The following TGM3 variants were observed in gnomAD, a reference collection of about 807,000 sequenced individuals.
TGM3 encodes the protein transglutaminase 3.
A neutral mutation model predicts 73.8 loss-of-function variants in TGM3; 52 were observed. That is an observed-to-expected ratio of 0.70 (90% CI 0.56 to 0.89). The LOEUF is 0.89. TGM3 is among the 40% of genes least tolerant of loss of function. The probability of loss-of-function intolerance (pLI) is 0.00; values close to 1 mark genes in which losing one functional copy is unlikely to be tolerated. For missense variants in TGM3, 928 were observed against 909.9 expected (o/e 1.02, Z -0.26); for synonymous variants, 372 against 354.9 (o/e 1.05, Z -0.54).
In TGM3 at chr20:2,312,731, G is replaced by A. The variant is rs1026370315; in HGVS notation, c.541-167G>A. 6.6e-5 allele frequency among the ~76,000 whole-genome samples: 10 copies of A among 152,108 alleles called. No individual in the cohort carries two copies. In the East Asian group the frequency reaches 7.7e-4, roughly 12 times the overall value. On this transcript the variant is annotated intron_variant, in intron 4 of 12. Transcript: ENST00000381458. ...TAGTGAGTGCTCTGGATGAGTTTGCGGGGTTGAGGGCTGGGCATGGTGGCT... is the reference window on the plus strand; with the variant it reads ...TAGTGAGTGCTCTGGATGAGTTTGCAGGGTTGAGGGCTGGGCATGGTGGCT...
At chr20:2,310,681 T>C (rs2084199036) in intron 3 of TGM3, among the ~76,000 whole-genome samples, 2 of 152,214 alleles carry the variant, frequency 1.3e-5, no homozygotes. Context: ...GAGATCACAT[T>C]GAGCTTTTAC....
intron 7 of TGM3, among the ~76,000 whole-genome samples, chr20:2,323,730 G>A (rs1853092): frequency 0.64 from 97,906 of 152,138 alleles, 32,247 homozygotes; most frequent in East Asian, 0.82. Flanking sequence ...GAGTATCACC[G>A]TATGCTTTAA....
intron 5 of TGM3, among the ~76,000 whole-genome samples, 197 bp downstream of exon 5, chr20:2,313,223 T>G (rs1415272750): frequency 6.6e-6 from 1 of 152,206 alleles, no homozygotes; most frequent in East Asian, 1.9e-4. Flanking sequence ...AGGCACACAG[T>G]GAGTATGTGG....
intron 1 of TGM3, among the ~76,000 whole-genome samples, chr20:2,306,902 A>G (rs934426585): frequency 6.6e-6 from 1 of 152,116 alleles, no homozygotes; most frequent in Admixed American, 6.6e-5. Flanking sequence ...CCCTAGAGAG[A>G]TCTGGCATCT....
chr20:2,327,939 G>C (rs960473371), intron 8 of TGM3, among the ~76,000 whole-genome samples, 181 bp from the exon 9 acceptor site: 1 of 152,186 alleles, frequency 6.6e-6, no homozygotes, highest in African/African-American at 2.4e-5. Flanking sequence ...ACCAGCAAGA[G>C]AATCATAGCC....
chr20:2,323,832 C>T (rs554075360), intron 7 of TGM3, among the ~76,000 whole-genome samples: 14 of 152,314 alleles, frequency 9.2e-5, no homozygotes, highest in African/African-American at 3.1e-4. Flanking sequence ...GAGGTTAAAA[C>T]TATTTTCATA....
chr20:2,310,042 G>A (rs2084194885), intron 2 of TGM3, 136 bp from the exon 3 acceptor site: 1 of 1,431,374 alleles, frequency 7.0e-7, no homozygotes, highest in South Asian at 1.3e-5. Flanking sequence ...CTGTATGTTT[G>A]TTCCAGTTAC....
Position 2,340,671 on chromosome 20 carries a change from C to A in TGM3, c.*90C>A. 1 of 1,535,856 alleles carries A rather than the reference C, an allele frequency of 6.5e-7. No homozygotes were observed. Among genetic ancestry groups the A allele is most frequent in the Non-Finnish European group, 8.9e-7 (1 of 1,123,888 alleles). On this transcript the variant is annotated 3_prime_UTR_variant, in exon 13 of 13. Coordinates refer to ENST00000381458, the MANE Select transcript of TGM3 (RefSeq NM_003245.4). ...GAACCCCCCGCCCATGCTGTCCGGCCTGGGAAACCCTCTCCATCTCCCAAG... is the reference window on the plus strand; with the variant it reads ...GAACCCCCCGCCCATGCTGTCCGGCATGGGAAACCCTCTCCATCTCCCAAG...
chr20:2,301,315 C>T (rs1387356522), intron 1 of TGM3, among the ~76,000 whole-genome samples: 3 of 150,520 alleles, frequency 2.0e-5, no homozygotes, highest in Non-Finnish European at 4.4e-5. Flanking sequence ...CACAGCCTGT[C>T]GGTGACCAGG....
rs560846380 is a variant in TGM3, at chr20:2,340,343, C to T, written c.1935-91C>T. The T allele has an allele frequency of 7.1e-6, 11 of 1,549,558 alleles. No homozygotes were observed. In the South Asian group the frequency reaches 1.3e-4, roughly 19 times the overall value. ...AAGAAGCAGTGGCCTTGCCCAGCCT[C>T]CATCAGAACAGGACAGGAGGTCACA... On this transcript the variant is annotated intron_variant, in intron 12 of 12. Transcript: ENST00000381458.
rs185773702 is a variant in TGM3, at chr20:2,301,850, G to T, written c.7+5780G>T. On this transcript the variant is annotated intron_variant, in intron 1 of 12. Coordinates refer to ENST00000381458, the MANE Select transcript of TGM3 (RefSeq NM_003245.4). Reference sequence around the variant, plus strand: ...CAAGTAGCTGGAACTACAGGCATGTGTCACCACGTCCGGCTAATTTTTGTA... The same window carrying T: ...CAAGTAGCTGGAACTACAGGCATGTTTCACCACGTCCGGCTAATTTTTGTA... Among the ~76,000 whole-genome samples, 8 of 152,234 alleles carry T rather than the reference G, an allele frequency of 5.3e-5. No homozygotes were observed. In the East Asian group the frequency reaches 1.2e-3, roughly 22 times the overall value.
At chr20:2,301,885 G>A (rs2084150226) in intron 1 of TGM3, among the ~76,000 whole-genome samples, 1 of 152,166 alleles carries the variant, frequency 6.6e-6, no homozygotes, top group African/African-American at 2.4e-5. Flanking sequence ...ATTTTTAGTA[G>A]AGACAGGGTT....
chr20:2,335,212 A>G lies in TGM3; in HGVS notation c.1739A>G (p.Asp580Gly). 1 of 1,614,208 alleles carries G rather than the reference A, an allele frequency of 6.2e-7. No individual in the cohort carries two copies. Residue 580 changes from aspartate (D) to glycine (G), a missense_variant, in exon 11 of 13, where the codon GAT becomes GGT. Coordinates refer to ENST00000381458, the MANE Select transcript of TGM3 (RefSeq NM_003245.4). ...IRITAVCKVP[D>G]ESEVVVERDI... ...ATCACAGCGGTGTGCAAGGTCCCAG[A>G]TGAGTCTGAGGTGGTGGTGGAGCGG...
Position 2,340,537 on chromosome 20 carries a change from T to C in TGM3, c.2038T>C (p.Phe680Leu), listed in dbSNP as rs145595091. ...GCTCGCCGACTTCTCCTGCAACAAG[T>C]TCCCTGCAATCAAGGCCATGTTGTC... ...QLLADFSCNK[F>L]PAIKAMLSID... Residue 680 changes from phenylalanine to leucine, a missense_variant, in exon 13 of 13, where the codon TTC becomes CTC. Phe to Leu is a conservative substitution (Grantham distance 22). Transcript: ENST00000381458. 6.5e-4 allele frequency: 1,052 copies of C among 1,614,150 alleles called. 9 individuals carry two copies. Among genetic ancestry groups the C allele is most frequent in the Non-Finnish European group, 6.7e-5 (79 of 1,180,016 alleles).
Position 2,339,836 on chromosome 20 carries a change from A to G in TGM3, c.1801-18A>G. 6.2e-7 allele frequency: 1 copy of G among 1,613,782 alleles called. No homozygotes were observed. The highest frequency in any genetic ancestry group is 1.1e-5 in the South Asian group (1 of 91,078). On this transcript the variant is annotated intron_variant, in intron 11 of 12. Coordinates refer to ENST00000381458, the MANE Select transcript of TGM3 (RefSeq NM_003245.4). ...TGAGCAGCTGGAGTCCTGACTCGGC[A>G]GCCCCTCTCCCCCATAGGTGCTGAA...
rs779784575 is a variant in TGM3, at chr20:2,310,325, G to A, written c.329G>A (p.Arg110Gln). ...ISSPASAPIG[R>Q]YTMALQIFSQ... ...AGTCCTGCCAGCGCACCCATAGGAC[G>A]GTACACAATGGCCCTCCAGATCTTC... The change falls in exon 3 of 13, where the codon CGG becomes CAG. Residue 110 changes from arginine (R) to glutamine (Q), a missense_variant. Transcript: ENST00000381458. The A allele has an allele frequency of 2.2e-5, 35 of 1,614,064 alleles. 1 individual carries two copies. Among genetic ancestry groups the A allele is most frequent in the South Asian group, 5.5e-5 (5 of 91,088 alleles).
At chr20:2,340,244 C>A (rs777576586) in intron 12 of TGM3, among the ~76,000 whole-genome samples, 190 bp from the exon 13 acceptor site, 1 of 152,188 alleles carries the variant, frequency 6.6e-6, no homozygotes, top group Non-Finnish European at 1.5e-5. Context: ...GGACCCCCCC[C>A]TCCTGCTTCC....
chr20:2,317,930 T>TATATATATATC (rs1282617281), intron 7 of TGM3, among the ~76,000 whole-genome samples: 10 of 142,210 alleles, frequency 7.0e-5, no homozygotes, highest in African/African-American at 2.7e-4. Flanking sequence ...AGCATATATA[T>TATATATATATC]ATATATATAT....
chr20:2,316,637 G>GT (rs1261767788), intron 5 of TGM3, among the ~76,000 whole-genome samples: 1 of 151,882 alleles, frequency 6.6e-6, no homozygotes, highest in African/African-American at 2.4e-5. Context: ...TGATCTTTTC[G>GT]TAAGACCATA....
Sources: gnomAD v4.1 joint callset for allele counts (sites outside exome capture counted in the v4.1 genomes callset) on GRCh38, gnomAD v4.1.1 for gene constraint, MANE v1.5 for transcripts, NCBI Gene and HGNC (gene_info 2026-07-23, HGNC 2026-07-21) for gene names.